The following TNRC6B variants were observed in gnomAD, a reference collection of about 807,000 sequenced individuals.
TNRC6B encodes trinucleotide repeat-containing gene 6B protein.
Under a neutral mutation model 203.6 loss-of-function variants are expected in TNRC6B, and 52 were observed. The observed-to-expected ratio is 0.26, with a 90% confidence interval of 0.20 to 0.32. The LOEUF (loss-of-function observed/expected upper bound fraction) is 0.32. Among genes scored for constraint, TNRC6B ranks in the 10% least tolerant of loss-of-function variants. The pLI is 1.00. For synonymous variants in TNRC6B, 838 were observed against 845.7 expected (o/e 0.99, Z 0.16); for missense variants, 1,923 against 2,286.2 (o/e 0.84, Z 3.24).
At chr22:40,067,489 G>A (rs954186909) in intron 1 of TNRC6B, among the ~76,000 whole-genome samples, 1 of 152,202 alleles carries the variant, frequency 6.6e-6, no homozygotes, top group South Asian at 2.1e-4. Flanking sequence ...GATTATGAAG[G>A]CCGAGAAGTC....
At chr22:40,278,082 GT>G in intron 9 of TNRC6B, 38 bp downstream of exon 9, 1 of 1,513,608 alleles carries the variant, frequency 6.6e-7, no homozygotes, top group East Asian at 2.4e-5. Flanking sequence ...GAGTATATCA[GT>G]GTTACAGTGT....
chr22:40,191,917 A>AT (rs1435477733), intron 1 of TNRC6B, among the ~76,000 whole-genome samples: 3 of 152,242 alleles, frequency 2.0e-5, no homozygotes, highest in African/African-American at 7.2e-5. Context: ...TGCCCAGCTA[A>AT]TTTTTGTATT....
rs1336627179 is a variant in TNRC6B at position 40,106,918 on chromosome 22, A to G, written c.-120-10137A>G. 9.0e-6 allele frequency: 9 copies of G among 1,003,188 alleles called. No homozygotes were observed. The African/African-American group carries it at 1.1e-4, about 12-fold the overall frequency. 62.1% of individuals were successfully genotyped at this position (1,003,188 alleles called of 1,614,324 possible). A position where few individuals can be genotyped will look rare whatever the true frequency, so the allele number is the denominator to read the frequency against. ...GACAGTGCTTCGCTTTTTCATGGAT[A>G]AACTTCCTCCTTGCCCTTTGAAGCA... On this transcript the variant is annotated intron_variant, in intron 1 of 23. Transcript: ENST00000301923.
intron 1 of TNRC6B, among the ~76,000 whole-genome samples, chr22:40,190,702 GT>G (rs886132816): frequency 2.0e-5 from 3 of 152,194 alleles, no homozygotes; most frequent in Non-Finnish European, 4.4e-5. Context: ...CTATCAGCTG[GT>G]TGTGGGAGTG....
At chr22:40,280,877 A>G (rs1458403442) in intron 10 of TNRC6B, among the ~76,000 whole-genome samples, 3 of 152,340 alleles carry the variant, frequency 2.0e-5, no homozygotes, top group Middle Eastern at 3.4e-3. Flanking sequence ...TTTTATTGTA[A>G]TGCAATGGAC....
intron 3 of TNRC6B, among the ~76,000 whole-genome samples, chr22:40,252,309 G>C (rs1037750093): frequency 1.2e-4 from 19 of 152,332 alleles, no homozygotes; most frequent in East Asian, 1.9e-4. Flanking sequence ...CATGTCCCTA[G>C]TTGAGAATCA....
intron 1 of TNRC6B, among the ~76,000 whole-genome samples, chr22:40,225,154 T>G (rs996298302): frequency 6.6e-6 from 1 of 152,142 alleles, no homozygotes; most frequent in African/African-American, 2.4e-5. Flanking sequence ...AGGCTGTGCT[T>G]TTTCTCTTGG....
At chr22:40,175,470 A>G (rs958629608), upstream of TNRC6B, among the ~76,000 whole-genome samples, 3 of 152,232 alleles carry the variant, frequency 2.0e-5, no homozygotes, top group Non-Finnish European at 4.4e-5. Flanking sequence ...TTTAACACTT[A>G]CAAGGCAACA....
chr22:40,214,243 G>T (rs1258201958), intron 1 of TNRC6B, among the ~76,000 whole-genome samples: 1 of 152,038 alleles, frequency 6.6e-6, no homozygotes, highest in East Asian at 1.9e-4. Context: ...CTCTGGCCTG[G>T]GGACTAGAGG....
chr22:40,304,856 C>T (rs1356039984), intron 15 of TNRC6B, among the ~76,000 whole-genome samples: 2 of 152,136 alleles, frequency 1.3e-5, no homozygotes, highest in Non-Finnish European at 2.9e-5. Context: ...GTAATTGTAT[C>T]TATGCTGCAA....
At chr22:40,269,997 G>C in intron 5 of TNRC6B, 125 bp from the exon 6 acceptor site, 1 of 953,334 alleles carries the variant, frequency 1.0e-6, no homozygotes, top group Non-Finnish European at 1.5e-6. Flanking sequence ...TCACATGAAA[G>C]TTGAATCTAT....
At chr22:40,058,650 G>A (rs2067822053) in intron 1 of TNRC6B, among the ~76,000 whole-genome samples, 1 of 152,224 alleles carries the variant, frequency 6.6e-6, no homozygotes, top group African/African-American at 2.4e-5. Context: ...TTTTCAGAAA[G>A]GTAACTGGAG....
At chr22:40,293,190 C>CTTTTTTTTTT (rs748230080) in intron 12 of TNRC6B, among the ~76,000 whole-genome samples, 23 of 79,446 alleles carry the variant, frequency 2.9e-4, no homozygotes, top group Admixed American at 6.1e-4. Flanking sequence ...ATATCCTTTT[C>CTTTTTTTTTT]TTTTTTTTTT....
chr22:40,157,361 C>G (rs1463118550), intron 4 of TNRC6B, among the ~76,000 whole-genome samples: 1 of 151,594 alleles, frequency 6.6e-6, no homozygotes, highest in Non-Finnish European at 1.5e-5. Flanking sequence ...TATTTTTTTT[C>G]CTAGAAAATA....
At chr22:40,132,950 A>AAAAATAAAAAAAAAT (rs2068562140) in intron 3 of TNRC6B, among the ~76,000 whole-genome samples, 1 of 91,478 alleles carries the variant, frequency 1.1e-5, no homozygotes, top group Non-Finnish European at 2.1e-5. Context: ...TCTCAAAAAA[A>AAAAATAAAAAAAAAT]AAAAAAAAAA....
At chr22:40,243,741 C>A (rs1269729421) in intron 1 of TNRC6B, among the ~76,000 whole-genome samples, 1 of 152,058 alleles carries the variant, frequency 6.6e-6, no homozygotes, top group East Asian at 1.9e-4. Context: ...CATGCCACCA[C>A]GCCCAGCTAA....
In TNRC6B at chr22:40,251,910, G is replaced by C. The variant is rs1379197953; in HGVS notation, c.115+710G>C. Reference sequence around the variant, plus strand: ...ATATTGCACCTAGGATGTTTACTCTGCCTTCTAAGCTAAAACTTAGAATAT... The same window carrying C: ...ATATTGCACCTAGGATGTTTACTCTCCCTTCTAAGCTAAAACTTAGAATAT... On this transcript the variant is annotated intron_variant, in intron 3 of 22. Coordinates refer to ENST00000454349, the MANE Select transcript of TNRC6B (RefSeq NM_001162501.2). 2.6e-5 allele frequency among the ~76,000 whole-genome samples: 4 copies of C among 152,048 alleles called. No homozygotes were observed. The East Asian group carries it at 7.7e-4, about 29-fold the overall frequency.
chr22:40,247,932 G>T (rs905875530), intron 2 of TNRC6B, among the ~76,000 whole-genome samples: 1 of 152,122 alleles, frequency 6.6e-6, no homozygotes, highest in Non-Finnish European at 1.5e-5. Flanking sequence ...AAAATTAGCC[G>T]AGTGTGGTGG....
At chr22:40,179,099 C>G (rs2069101532) in intron 1 of TNRC6B, among the ~76,000 whole-genome samples, 1 of 152,254 alleles carries the variant, frequency 6.6e-6, no homozygotes, top group Admixed American at 6.5e-5. Flanking sequence ...TTTAGGGTCA[C>G]ATGTATAAGT....
Sources: allele counts gnomAD v4.1 joint callset (sites outside exome capture counted in the v4.1 genomes callset), GRCh38; gene constraint gnomAD v4.1.1; transcripts MANE v1.5; gene names NCBI Gene and HGNC (gene_info 2026-07-23, HGNC 2026-07-21).